The following ARB2A variants were observed in gnomAD, a reference collection of about 807,000 sequenced individuals.
The protein encoded by ARB2A is cotranscriptional regulator ARB2A.
chr5:93,826,524 T>G, the ARB2A span, among the ~76,000 whole-genome samples: 3 of 152,296 alleles, frequency 2.0e-5, no homozygotes, highest in African/African-American at 7.2e-5. Flanking sequence ...TAAGAACCTC[T>G]ACAAATCTGT....
the ARB2A span, among the ~76,000 whole-genome samples, chr5:93,935,463 T>A: frequency 6.6e-6 from 1 of 152,154 alleles, no homozygotes; most frequent in Admixed American, 6.5e-5. Flanking sequence ...GTACAAAGCA[T>A]AGAAGAAGCA....
At chr5:93,961,671 A>G in the ARB2A span, among the ~76,000 whole-genome samples, 1 of 152,106 alleles carries the variant, frequency 6.6e-6, no homozygotes. Flanking sequence ...CAACAGAGTG[A>G]GACTCTGTCT....
the ARB2A span, among the ~76,000 whole-genome samples, chr5:94,047,870 C>A: frequency 6.6e-6 from 1 of 152,128 alleles, no homozygotes; most frequent in Non-Finnish European, 1.5e-5. Context: ...TATTTGAAGA[C>A]TAGCAACCTG....
At chr5:93,841,353 A>G in the ARB2A span, among the ~76,000 whole-genome samples, 2 of 152,234 alleles carry the variant, frequency 1.3e-5, no homozygotes, top group African/African-American at 4.8e-5. Flanking sequence ...ATACACTATT[A>G]ACAACTATTT....
the ARB2A span, among the ~76,000 whole-genome samples, chr5:93,952,717 G>A: frequency 6.6e-6 from 1 of 151,858 alleles, no homozygotes; most frequent in Non-Finnish European, 1.5e-5. Context: ...CTCTCTCTAG[G>A]TCTCAGAAGT....
chr5:94,011,078 A>G, the ARB2A span, among the ~76,000 whole-genome samples: 1 of 152,130 alleles, frequency 6.6e-6, no homozygotes, highest in African/African-American at 2.4e-5. Context: ...AGAGCACTTC[A>G]CTCATCTCCA....
chr5:93,795,278 A>G, the ARB2A span, among the ~76,000 whole-genome samples: 1 of 152,186 alleles, frequency 6.6e-6, no homozygotes, highest in Non-Finnish European at 1.5e-5. Flanking sequence ...TGCGGCCCAC[A>G]GTCCTAAAGG....
chr5:94,059,715 A>G, the ARB2A span, among the ~76,000 whole-genome samples: 1 of 151,922 alleles, frequency 6.6e-6, no homozygotes, highest in East Asian at 1.9e-4. Context: ...GGAGCTATGC[A>G]AACAAGACAA....
the ARB2A span, among the ~76,000 whole-genome samples, chr5:93,985,575 C>T: frequency 4.6e-5 from 7 of 152,302 alleles, no homozygotes; most frequent in East Asian, 1.9e-4. Flanking sequence ...AGGCGCGCGC[C>T]GCCACGCCTG....
At chr5:93,947,814 A>G in the ARB2A span, among the ~76,000 whole-genome samples, 2 of 150,436 alleles carry the variant, frequency 1.3e-5, no homozygotes, top group East Asian at 2.0e-4. Context: ...ATGATTTCCA[A>G]TTTCATCCAC....
the ARB2A span, among the ~76,000 whole-genome samples, chr5:94,032,775 A>G: frequency 6.6e-6 from 1 of 152,194 alleles, no homozygotes; most frequent in Non-Finnish European, 1.5e-5. Flanking sequence ...TGGAGTTTTA[A>G]GATTTAATAC....
the ARB2A span, among the ~76,000 whole-genome samples, chr5:93,658,134 G>C: frequency 6.6e-6 from 1 of 152,178 alleles, no homozygotes; most frequent in East Asian, 1.9e-4. Context: ...CTATCAGCTT[G>C]TCTGAGATCT....
At chr5:94,012,517 G>A in the ARB2A span, among the ~76,000 whole-genome samples, 5 of 152,160 alleles carry the variant, frequency 3.3e-5, no homozygotes, top group Non-Finnish European at 5.9e-5. Context: ...AACATGCCCA[G>A]GCTAAGTTGC....
the ARB2A span, among the ~76,000 whole-genome samples, chr5:93,867,510 C>A: frequency 6.6e-6 from 1 of 152,108 alleles, no homozygotes; most frequent in Non-Finnish European, 1.5e-5. Flanking sequence ...CTCCGCCTCC[C>A]AGGTTCAAGC....
chr5:93,642,245 G>C, the ARB2A span, among the ~76,000 whole-genome samples: 1 of 150,918 alleles, frequency 6.6e-6, no homozygotes, highest in East Asian at 2.0e-4. Flanking sequence ...CTGTCATCCA[G>C]GCTGGAGTGC....
the ARB2A span, among the ~76,000 whole-genome samples, chr5:93,813,729 T>C: frequency 5.3e-5 from 8 of 152,286 alleles, no homozygotes; most frequent in Admixed American, 2.0e-4. Context: ...TTGGGTTTCC[T>C]AGCCTCCTGA....
the ARB2A span, among the ~76,000 whole-genome samples, chr5:94,017,132 A>G: frequency 6.6e-6 from 1 of 152,350 alleles, no homozygotes; most frequent in East Asian, 1.9e-4. Context: ...CAGATGAACC[A>G]GGACAAAGAT....
chr5:93,980,170 T>C, the ARB2A span, among the ~76,000 whole-genome samples: 6 of 152,184 alleles, frequency 3.9e-5, no homozygotes, highest in Non-Finnish European at 5.9e-5. Flanking sequence ...GCTTCTTTGG[T>C]AGCTCTTTAG....
the ARB2A span, among the ~76,000 whole-genome samples, chr5:93,688,460 A>G: frequency 2.0e-5 from 3 of 152,214 alleles, no homozygotes; most frequent in Admixed American, 2.0e-4. Context: ...TATACAATTT[A>G]TAATCATTCA....
Sources: gnomAD v4.1 joint callset for allele counts (sites outside exome capture counted in the v4.1 genomes callset) on GRCh38, gnomAD v4.1.1 for gene constraint, MANE v1.5 for transcripts, NCBI Gene and HGNC (gene_info 2026-07-23, HGNC 2026-07-21) for gene names.